The following NCBP1 variants were observed in gnomAD, a reference collection of about 807,000 sequenced individuals.
The protein encoded by NCBP1 is nuclear cap binding protein subunit 1, also known as nuclear cap-binding protein subunit 1.
NCBP1 carries 16 observed loss-of-function variants against 111.7 expected under a neutral mutation model. The observed-to-expected ratio is 0.14, with a 90% CI of 0.10 to 0.22. The LOEUF is 0.22. NCBP1 is among the 10% of genes least tolerant of loss of function. NCBP1 has a pLI of 1.00. For missense variants in NCBP1, 607 were observed against 957.5 expected (o/e 0.63, Z 4.83); for synonymous variants, 304 against 314.3 (o/e 0.97, Z 0.35).
intron 18 of NCBP1, 44 bp from the exon 19 acceptor site, chr9:97,664,296 T>C (rs1272637173): frequency 4.9e-6 from 6 of 1,233,744 alleles, no homozygotes; most frequent in Non-Finnish European, 7.1e-6. Flanking sequence ...TATATGTGTG[T>C]GTATGTGTGT....
intron 1 of NCBP1, among the ~76,000 whole-genome samples, chr9:97,640,364 A>T (rs1827171910): frequency 1.3e-5 from 2 of 152,178 alleles, no homozygotes; most frequent in African/African-American, 4.8e-5. Context: ...ATACATTATT[A>T]GACTAATGAA....
chr9:97,639,943 CATAG>C (rs1367394429), intron 1 of NCBP1, among the ~76,000 whole-genome samples: 6 of 151,958 alleles, frequency 3.9e-5, no homozygotes, highest in Non-Finnish European at 8.8e-5. Flanking sequence ...ATTTAAAAAA[CATAG>C]AGATTATTCG....
In NCBP1 at chr9:97,665,275, C is replaced by T. The variant is rs189244818; in HGVS notation, c.1901+832C>T. On this transcript the variant is annotated intron_variant, in intron 19 of 22. Coordinates refer to ENST00000375147, the MANE Select transcript of NCBP1 (RefSeq NM_002486.5). ...AGAAGAACCTTTTCAGATTTGTAAA[C>T]TCTCAGAAAACTAACCACCCGAGTA... Among the ~76,000 whole-genome samples, 7 of 152,344 alleles carry T rather than the reference C, an allele frequency of 4.6e-5. No individual in the cohort carries two copies. The East Asian group carries it at 1.3e-3, about 29-fold the overall frequency.
rs528541256 is a variant in NCBP1, at chr9:97,668,977, A to G, written c.2145+3A>G. On this transcript the variant is annotated splice_donor_region_variant and intron_variant, in intron 21 of 22. Transcript: ENST00000375147. ...ATCTTTTCCTCGTTATATTTCAGGT[A>G]TCTTGGCTTGGGACATTTATACATA... 1.9e-6 allele frequency: 3 copies of G among 1,606,612 alleles called. No individual in the cohort carries two copies. The highest frequency in any genetic ancestry group is 2.2e-5 in the South Asian group (2 of 89,086).
intron 14 of NCBP1, among the ~76,000 whole-genome samples, chr9:97,658,355 C>T (rs1448720690): frequency 3.3e-5 from 5 of 152,314 alleles, no homozygotes; most frequent in East Asian, 3.9e-4. Context: ...GTTTCCAAAG[C>T]GTGCAGTCAT....
At chr9:97,646,256 A>G (rs1473897299) in intron 6 of NCBP1, among the ~76,000 whole-genome samples, 1 of 152,206 alleles carries the variant, frequency 6.6e-6, no homozygotes, top group Non-Finnish European at 1.5e-5. Flanking sequence ...CTTAAGTAAT[A>G]TGACACATTT....
chr9:97,641,504 A>T, intron 2 of NCBP1, 58 bp from the exon 3 acceptor site: 2 of 1,309,460 alleles, frequency 1.5e-6, no homozygotes, highest in South Asian at 2.1e-5. Context: ...ATAGATTTTT[A>T]AAAATAAATT....
chr9:97,635,222 G>C (rs967929819), intron 1 of NCBP1, among the ~76,000 whole-genome samples: 1 of 152,170 alleles, frequency 6.6e-6, no homozygotes, highest in Non-Finnish European at 1.5e-5. Context: ...TGACACCTAA[G>C]GGTCTAGAGA....
In NCBP1 at chr9:97,673,168, A is replaced by G. The variant is rs930813918; in HGVS notation, c.*1969A>G. 3.3e-5 allele frequency: 5 copies of G among 152,110 alleles called. No homozygotes were observed. Among genetic ancestry groups the G allele is most frequent in the Admixed American group, 1.3e-4 (2 of 15,272 alleles). 9.4% of individuals were successfully genotyped at this position (152,110 alleles called of 1,614,324 possible). A position where few individuals can be genotyped will look rare whatever the true frequency, so the allele number is the denominator to read the frequency against. On this transcript the variant is annotated 3_prime_UTR_variant, in exon 23 of 23. Coordinates refer to ENST00000375147, the MANE Select transcript of NCBP1 (RefSeq NM_002486.5). ...TATATAGCATATAACATACAAAATG[A>G]GTTTATCAACTGTTTGTTATTGGTA...
At chr9:97,670,946 C>G in intron 22 of NCBP1, 140 bp from the exon 23 acceptor site, 1 of 504,188 alleles carries the variant, frequency 2.0e-6, no homozygotes, top group Non-Finnish European at 3.6e-6. Flanking sequence ...TTTCAGGGGT[C>G]CATTGTTCCT....
At chr9:97,643,768 C>G (rs1827264486) in intron 4 of NCBP1, among the ~76,000 whole-genome samples, 2 of 152,136 alleles carry the variant, frequency 1.3e-5, no homozygotes, top group South Asian at 4.1e-4. Flanking sequence ...AATTCTGTCT[C>G]CCTAATTTCT....
chr9:97,662,775 A>C (rs573671837), intron 17 of NCBP1, among the ~76,000 whole-genome samples, 179 bp from the exon 18 acceptor site: 39 of 152,362 alleles, frequency 2.6e-4, no homozygotes, highest in African/African-American at 9.4e-4. Context: ...ATTTTGTGAC[A>C]GCTTCCTTAA....
chr9:97,656,958 T>G (rs1430016586), intron 14 of NCBP1, among the ~76,000 whole-genome samples: 1 of 150,528 alleles, frequency 6.6e-6, no homozygotes, highest in South Asian at 2.1e-4. Context: ...GTCTGGAGTG[T>G]TTTTTTTGTT....
intron 14 of NCBP1, among the ~76,000 whole-genome samples, chr9:97,656,310 A>G (rs1283771446): frequency 6.6e-6 from 1 of 152,242 alleles, no homozygotes; most frequent in Non-Finnish European, 1.5e-5. Flanking sequence ...GGCCGGGCGC[A>G]GTGGCTCACG....
At chr9:97,638,847 A>G (rs1827124431) in intron 1 of NCBP1, among the ~76,000 whole-genome samples, 1 of 151,294 alleles carries the variant, frequency 6.6e-6, no homozygotes, top group Non-Finnish European at 1.5e-5. Flanking sequence ...GGTTTGCCAG[A>G]TGACCACTGG....
At position 97,668,838 on chromosome 9, in the gene NCBP1, T is replaced by G; in HGVS notation, c.2017-8T>G. ...GGTATTTTCCTTTTGTTCATTTGCCTTCTATAGCGAAGTGATGATGACGAC... is the reference window on the plus strand; with the variant it reads ...GGTATTTTCCTTTTGTTCATTTGCCGTCTATAGCGAAGTGATGATGACGAC... On this transcript the variant is annotated splice_region_variant and splice_polypyrimidine_tract_variant and intron_variant, in intron 20 of 22. Coordinates refer to ENST00000375147, the MANE Select transcript of NCBP1 (RefSeq NM_002486.5). The G allele has an allele frequency of 1.2e-6, 2 of 1,608,658 alleles. No homozygotes were observed. The highest frequency in any genetic ancestry group is 1.7e-6 in the Non-Finnish European group (2 of 1,178,528).
At chr9:97,643,471 C>A (rs1024460633) in intron 4 of NCBP1, 111 bp downstream of exon 4, 2 of 1,166,664 alleles carry the variant, frequency 1.7e-6, no homozygotes, top group African/African-American at 1.6e-5. Flanking sequence ...CATTCACTTT[C>A]ATAGCTTCAT....
intron 19 of NCBP1, among the ~76,000 whole-genome samples, chr9:97,664,758 G>A (rs1281494914): frequency 1.3e-5 from 2 of 152,188 alleles, no homozygotes; most frequent in African/African-American, 2.4e-5. Context: ...GTCTCAGCTA[G>A]TCCAGATGGA....
chr9:97,657,627 A>C (rs1827697218), intron 14 of NCBP1, among the ~76,000 whole-genome samples: 1 of 152,138 alleles, frequency 6.6e-6, no homozygotes, highest in South Asian at 2.1e-4. Flanking sequence ...TCTGTTCTTC[A>C]TCAGATCTCC....
Sources: allele counts gnomAD v4.1 joint callset (sites outside exome capture counted in the v4.1 genomes callset), GRCh38; gene constraint gnomAD v4.1.1; transcripts MANE v1.5; gene names NCBI Gene and HGNC (gene_info 2026-07-23, HGNC 2026-07-21).